The following ROBO2 variants were observed in gnomAD, a reference collection of about 807,000 sequenced individuals.
ROBO2 encodes roundabout homolog 2.
In ROBO2, 53 loss-of-function variants were observed where a neutral mutation model predicts 160.8. That is an observed-to-expected ratio of 0.33 (90% confidence interval 0.26 to 0.41). ROBO2 has a LOEUF of 0.41. ROBO2 is among the 10% of genes least tolerant of loss of function. ROBO2 has a pLI of 1.00. For missense variants in ROBO2, 1,577 were observed against 1,722.4 expected (o/e 0.92, Z 1.49); for synonymous variants, 664 against 611.7 (o/e 1.09, Z -1.26).
At chr3:77,512,806 T>C (rs758568213) in intron 5 of ROBO2, among the ~76,000 whole-genome samples, 6 of 151,952 alleles carry the variant, frequency 3.9e-5, no homozygotes, top group Non-Finnish European at 8.8e-5. Flanking sequence ...AAACAAACCT[T>C]TCAAGTCTCC....
chr3:75,986,649 A>T (rs2065423611), intron 2 of ROBO2, among the ~76,000 whole-genome samples: 1 of 151,030 alleles, frequency 6.6e-6, no homozygotes, highest in African/African-American at 2.4e-5. Context: ...TTGTTCTATT[A>T]TTTCTTCTCA....
At chr3:76,145,365 G>A (rs901191901) in intron 2 of ROBO2, among the ~76,000 whole-genome samples, 5 of 152,006 alleles carry the variant, frequency 3.3e-5, no homozygotes, top group Non-Finnish European at 5.9e-5. Context: ...CTGAAATGTT[G>A]TCATCAGGTA....
chr3:77,519,887 G>T (rs2090415532), intron 5 of ROBO2, among the ~76,000 whole-genome samples: 1 of 151,434 alleles, frequency 6.6e-6, no homozygotes, highest in South Asian at 2.1e-4. Context: ...ACTAATTTAT[G>T]TTCTCACCAG....
intron 2 of ROBO2, among the ~76,000 whole-genome samples, chr3:76,149,922 GCACACATCTGTCTAAAA>G (rs1156536878): frequency 6.2e-5 from 9 of 144,758 alleles, no homozygotes; most frequent in South Asian, 2.2e-4. Context: ...TCTGTCTAAA[GCACACATCTGTCTAAAA>G]CACACATCTG....
intron 2 of ROBO2, among the ~76,000 whole-genome samples, chr3:76,218,926 C>T (rs917864208): frequency 5.9e-5 from 9 of 152,286 alleles, no homozygotes; most frequent in African/African-American, 2.2e-4. Context: ...TACAAGGCTA[C>T]AGTAACCAAA....
intron 2 of ROBO2, among the ~76,000 whole-genome samples, chr3:76,007,394 G>A (rs1480461788): frequency 1.3e-5 from 2 of 152,130 alleles, no homozygotes; most frequent in African/African-American, 4.8e-5. Context: ...GTTACACATG[G>A]ATATCCTCCA....
At chr3:77,052,618 G>A (rs2065335172) in intron 1 of ROBO2, among the ~76,000 whole-genome samples, 1 of 152,120 alleles carries the variant, frequency 6.6e-6, no homozygotes, top group South Asian at 2.1e-4. Context: ...TTTTTTAAAA[G>A]CTAGTTTTTC....
intron 2 of ROBO2, among the ~76,000 whole-genome samples, chr3:76,084,205 A>G (rs2108046650): frequency 6.6e-6 from 1 of 152,262 alleles, no homozygotes; most frequent in African/African-American, 2.4e-5. Context: ...AAATCTGAGA[A>G]ACAAAGAAGC....
At chr3:77,638,980 C>T (rs778002604) in intron 24 of ROBO2, among the ~76,000 whole-genome samples, 8 of 151,960 alleles carry the variant, frequency 5.3e-5, no homozygotes, top group Non-Finnish European at 1.0e-4. Context: ...GCATCCACCA[C>T]CACACCCAGC....
intron 2 of ROBO2, among the ~76,000 whole-genome samples, chr3:77,188,975 G>GAGACAGAGAGAGAGAA (rs1553828962): frequency 7.3e-5 from 11 of 150,156 alleles, no homozygotes; most frequent in Non-Finnish European, 1.3e-4. Context: ...GTGTGAGAGA[G>GAGACAGAGAGAGAGAA]AGAGAGAGAG....
intron 2 of ROBO2, among the ~76,000 whole-genome samples, chr3:76,105,115 G>A (rs2069863035): frequency 6.6e-6 from 1 of 151,662 alleles, no homozygotes; most frequent in Admixed American, 6.6e-5. Context: ...TAACACCCTT[G>A]TGCTTCTTTT....
intron 19 of ROBO2, among the ~76,000 whole-genome samples, chr3:77,600,145 A>G (rs1388882759): frequency 6.6e-6 from 1 of 152,196 alleles, no homozygotes; most frequent in Admixed American, 6.5e-5. Context: ...TGGAAAAAAG[A>G]CCTGCTAAAT....
chr3:76,594,352 C>T (rs2086608643), intron 2 of ROBO2, among the ~76,000 whole-genome samples: 1 of 151,854 alleles, frequency 6.6e-6, no homozygotes, highest in Non-Finnish European at 1.5e-5. Context: ...AATTATAAGA[C>T]ATCATTTAGA....
intron 2 of ROBO2, among the ~76,000 whole-genome samples, chr3:76,596,424 T>C (rs2086737578): frequency 6.6e-6 from 1 of 151,980 alleles, no homozygotes; most frequent in Non-Finnish European, 1.5e-5. Context: ...GAGAATCCAG[T>C]GGGATGTGTT....
At chr3:76,784,480 T>G (rs2062850056) in intron 2 of ROBO2, among the ~76,000 whole-genome samples, 1 of 151,176 alleles carries the variant, frequency 6.6e-6, no homozygotes, top group Admixed American at 6.6e-5. Context: ...GCATGCCTTC[T>G]TCCAATACAG....
chr3:76,994,650 C>A (rs1481005392), intron 2 of ROBO2, among the ~76,000 whole-genome samples: 1 of 152,074 alleles, frequency 6.6e-6, no homozygotes, highest in Non-Finnish European at 1.5e-5. Context: ...AGATAGTGTG[C>A]AAAGCTCTAT....
chr3:77,220,979 A>T (rs2085710435), intron 2 of ROBO2, among the ~76,000 whole-genome samples: 1 of 152,248 alleles, frequency 6.6e-6, no homozygotes. Context: ...ATGAAGTCAA[A>T]GTTAGCATTG....
At chr3:77,481,101 C>G (rs753038257) in exon 4 of ROBO2, 3 of 1,611,342 alleles carry the variant, frequency 1.9e-6, no homozygotes, top group Non-Finnish European at 2.5e-6. Context: ...TTTAACAGAT[C>G]CGTGGTGGAA....
At chr3:76,925,160 G>A (rs899711911) in intron 2 of ROBO2, among the ~76,000 whole-genome samples, 4 of 140,888 alleles carry the variant, frequency 2.8e-5, no homozygotes, top group African/African-American at 5.2e-5. Context: ...GCAGTGAGCC[G>A]AGATCCCGCC....
Sources: gnomAD v4.1 joint callset for allele counts (sites outside exome capture counted in the v4.1 genomes callset) on GRCh38, gnomAD v4.1.1 for gene constraint, MANE v1.5 for transcripts, NCBI Gene and HGNC (gene_info 2026-07-23, HGNC 2026-07-21) for gene names.